The following SCML4 variants were observed in gnomAD, a reference collection of about 807,000 sequenced individuals.
SCML4 encodes sex comb on midleg-like protein 4.
Under a neutral mutation model 41.1 loss-of-function variants are expected in SCML4, and 34 were observed. The ratio of observed to expected loss-of-function variants is 0.83; its 90% CI spans 0.63 to 1.10. The LOEUF is 1.10. SCML4 is among the 50% of genes least tolerant of loss of function. The probability of loss-of-function intolerance (pLI) is 0.00; values close to 1 mark genes in which losing one functional copy is unlikely to be tolerated. For synonymous variants in SCML4, 214 were observed against 220.9 expected, an observed-to-expected ratio of 0.97 and a Z score of 0.28; for missense variants, 522 against 534.1, an observed-to-expected ratio of 0.98 and a Z score of 0.22.
At chr6:107,779,180 A>AAAATAAATAAAT (rs34080063) in intron 1 of SCML4, among the ~76,000 whole-genome samples, 433 of 148,774 alleles carry the variant, frequency 2.9e-3, no homozygotes, top group African/African-American at 0.01. Flanking sequence ...ACTCCATCTC[A>AAAATAAATAAAT]AAATAAATAA....
intron 2 of SCML4, among the ~76,000 whole-genome samples, chr6:107,754,005 G>A (rs1778902587): frequency 6.6e-6 from 1 of 152,232 alleles, no homozygotes; most frequent in Non-Finnish European, 1.5e-5. Flanking sequence ...TGGGAGGACA[G>A]AGGAGGTGGG....
intron 5 of SCML4, among the ~76,000 whole-genome samples, chr6:107,724,975 G>T (rs1400255390): frequency 1.3e-5 from 2 of 152,216 alleles, no homozygotes; most frequent in African/African-American, 4.8e-5. Context: ...TCACCCATAT[G>T]TGGGAGCTAA....
At chr6:107,736,248 G>A (rs1583447710) in intron 5 of SCML4, among the ~76,000 whole-genome samples, 1 of 152,198 alleles carries the variant, frequency 6.6e-6, no homozygotes, top group Non-Finnish European at 1.5e-5. Context: ...TGCTAAATGA[G>A]GGCTGGGGTT....
At chr6:107,784,233 C>T (rs1056652600) in intron 1 of SCML4, among the ~76,000 whole-genome samples, 5 of 152,160 alleles carry the variant, frequency 3.3e-5, no homozygotes, top group Non-Finnish European at 5.9e-5. Flanking sequence ...TATTTTAAAG[C>T]ATGGAGTCTG....
chr6:107,770,661 G>T (rs559821474), intron 2 of SCML4, among the ~76,000 whole-genome samples: 1 of 152,174 alleles, frequency 6.6e-6, no homozygotes, highest in Non-Finnish European at 1.5e-5. Context: ...GTCTCTGAGT[G>T]TCATGAGTGC....
At position 107,722,904 on chromosome 6, in the gene SCML4, G is replaced by A. The variant is rs114854156; in HGVS notation, c.683-1911C>T. 8.6e-3 allele frequency among the ~76,000 whole-genome samples: 1,299 copies of A among 151,618 alleles called. 16 individuals are homozygous for A. The highest frequency in any genetic ancestry group is 0.03 in the African/African-American group (1,227 of 41,346). ...AGACACTGGAAAAAAAAGCAAAGAA[G>A]GAAATAATAAAGATTTGAGCAAAAA... On this transcript the variant is annotated intron_variant, in intron 5 of 7. Transcript: ENST00000369020.
upstream of SCML4, among the ~76,000 whole-genome samples, chr6:107,824,875 C>A (rs1460379403): frequency 6.6e-6 from 1 of 152,144 alleles, no homozygotes; most frequent in African/African-American, 2.4e-5. Flanking sequence ...CTGTGTGATT[C>A]CCAGAGCAGT....
chr6:107,749,907 T>A, intron 2 of SCML4, 94 bp from the exon 3 acceptor site: 2 of 1,288,652 alleles, frequency 1.6e-6, no homozygotes, highest in South Asian at 2.5e-5. Flanking sequence ...CCATTGCTCT[T>A]CTATCATGCT....
intron 5 of SCML4, chr6:107,740,127 C>A (rs1009036150): frequency 1.3e-5 from 6 of 470,840 alleles, no homozygotes; most frequent in African/African-American, 8.0e-5. Flanking sequence ...ATGGGGACAT[C>A]AGCTTTTAGG....
the SCML4 span, among the ~76,000 whole-genome samples, chr6:107,843,836 C>G: frequency 2.4e-4 from 36 of 151,998 alleles, no homozygotes; most frequent in African/African-American, 8.7e-4. Flanking sequence ...TAGGGAGACC[C>G]TAATAAAGAG....
intron 1 of SCML4, among the ~76,000 whole-genome samples, chr6:107,775,439 C>G (rs913712784): frequency 5.3e-5 from 8 of 152,210 alleles, no homozygotes; most frequent in Non-Finnish European, 7.3e-5. Context: ...CTTGCTGTAT[C>G]TCTGACCTAG....
the SCML4 span, among the ~76,000 whole-genome samples, chr6:107,832,379 G>T: frequency 5.3e-5 from 8 of 152,322 alleles, 1 homozygote; most frequent in South Asian, 1.7e-3. Flanking sequence ...CATGGTCACA[G>T]TTCTGTTGCC....
chr6:107,770,879 A>G (rs986931531), intron 2 of SCML4, among the ~76,000 whole-genome samples: 2 of 152,206 alleles, frequency 1.3e-5, no homozygotes, highest in African/African-American at 4.8e-5. Context: ...TGCTCGATGC[A>G]TCTATAAACA....
intron 2 of SCML4, among the ~76,000 whole-genome samples, chr6:107,754,406 G>T (rs1018618386): frequency 6.6e-6 from 1 of 152,188 alleles, no homozygotes; most frequent in African/African-American, 2.4e-5. Flanking sequence ...AGTGTCATGA[G>T]GGTGGCGGCT....
chr6:107,733,512 C>T (rs920415791), intron 5 of SCML4, among the ~76,000 whole-genome samples: 4 of 152,198 alleles, frequency 2.6e-5, no homozygotes, highest in African/African-American at 4.8e-5. Flanking sequence ...TCCTAAGCTG[C>T]TTCAGCTCCT....
chr6:107,728,864 C>T (rs1288183171), intron 5 of SCML4, among the ~76,000 whole-genome samples: 2 of 152,120 alleles, frequency 1.3e-5, no homozygotes, highest in African/African-American at 4.8e-5. Context: ...CCTGGGTGGC[C>T]GCGAGTGAAC....
At position 107,746,856 on chromosome 6, in the gene SCML4, C is replaced by A; in HGVS notation, c.320G>T (p.Gly107Val). The A allele has an allele frequency of 6.2e-7, 1 of 1,613,742 alleles. No individual in the cohort carries two copies. Among genetic ancestry groups the A allele is most frequent in the Non-Finnish European group, 8.5e-7 (1 of 1,179,818 alleles). ...CACCTTCTTCCTCTCCAGATAGGGC[C>A]CCGCATTGGCCTGCTTGTTGATGTA... ...CLYINKQANA[G>V]PYLERKKVQQ... Residue 107 changes from glycine to valine, a missense_variant, in exon 4 of 8, where the codon GGG becomes GTG. Coordinates refer to ENST00000369020, the MANE Select transcript of SCML4 (RefSeq NM_198081.5).
intron 1 of SCML4, among the ~76,000 whole-genome samples, chr6:107,776,547 T>C (rs913706939): frequency 5.3e-5 from 8 of 152,228 alleles, no homozygotes; most frequent in African/African-American, 1.7e-4. Context: ...AATTGCCAGA[T>C]TGATAAATGT....
intron 1 of SCML4, among the ~76,000 whole-genome samples, chr6:107,816,572 T>A (rs1784565474): frequency 6.6e-6 from 1 of 152,080 alleles, no homozygotes; most frequent in Non-Finnish European, 1.5e-5. Flanking sequence ...AGAAGAAAGG[T>A]AGGAAACTGC....
Sources: allele counts gnomAD v4.1 joint callset (sites outside exome capture counted in the v4.1 genomes callset), GRCh38; gene constraint gnomAD v4.1.1; transcripts MANE v1.5; gene names NCBI Gene and HGNC (gene_info 2026-07-23, HGNC 2026-07-21).